Variants in CDH12 observed in about 807,000 individuals in gnomAD.
The protein encoded by CDH12 is cadherin 12, also known as cadherin-12.
Under a neutral mutation model 74.1 loss-of-function variants are expected in CDH12, and 41 were observed. The observed-to-expected ratio is 0.55, with a 90% CI of 0.43 to 0.72. The LOEUF is 0.72. Ranked by LOEUF, CDH12 falls within the 30% of genes least tolerant of loss-of-function variation. CDH12 has a pLI of 0.00. For missense variants in CDH12, 945 were observed against 977.2 expected, an observed-to-expected ratio of 0.97 and a Z score of 0.44; for synonymous variants, 399 against 355.0, an observed-to-expected ratio of 1.12 and a Z score of -1.39.
Position 22,478,799 on chromosome 5 carries a change from G to T in CDH12, c.-428+26471C>A, listed in dbSNP as rs1218241663. ...CTCTATATCATAAATATTGATCTTG[G>T]TGTTATTTTTTTGTTTGCCTTTCCT... On this transcript the variant is annotated intron_variant, in intron 2 of 14. Coordinates refer to ENST00000382254, the MANE Select transcript of CDH12 (RefSeq NM_004061.5). Among the ~76,000 whole-genome samples, 8 of 152,116 alleles carry T rather than the reference G, an allele frequency of 5.3e-5. No individual in the cohort carries two copies. In the East Asian group the frequency reaches 1.4e-3, roughly 26 times the overall value.
intron 2 of CDH12, among the ~76,000 whole-genome samples, chr5:22,416,536 G>A (rs1015721769): frequency 2.8e-4 from 42 of 152,116 alleles, no homozygotes; most frequent in Non-Finnish European, 6.0e-4. Context: ...CAGAAAGGAA[G>A]TACAAATGAC....
At chr5:22,275,236 A>G (rs1350671873) in intron 3 of CDH12, among the ~76,000 whole-genome samples, 1 of 152,102 alleles carries the variant, frequency 6.6e-6, no homozygotes, top group Non-Finnish European at 1.5e-5. Context: ...TGGCACATGT[A>G]TACCTATGTA....
intron 1 of CDH12, among the ~76,000 whole-genome samples, chr5:22,792,663 G>C (rs1303005677): frequency 2.6e-5 from 4 of 152,102 alleles, no homozygotes; most frequent in African/African-American, 9.7e-5. Flanking sequence ...GTAAAGTCTG[G>C]CTTTGTAAAT....
intron 2 of CDH12, among the ~76,000 whole-genome samples, chr5:22,429,172 A>G (rs1744067339): frequency 6.7e-6 from 1 of 150,336 alleles, no homozygotes. Flanking sequence ...TGTTTTGTTG[A>G]CCAGGCTGGA....
intron 4 of CDH12, among the ~76,000 whole-genome samples, chr5:22,130,001 T>C (rs1320060970): frequency 1.3e-5 from 2 of 151,904 alleles, no homozygotes; most frequent in Non-Finnish European, 2.9e-5. Context: ...GAAGTTTAAA[T>C]TGAAGTTCAA....
At chr5:21,921,567 G>T (rs181002180) in intron 6 of CDH12, among the ~76,000 whole-genome samples, 1 of 151,964 alleles carries the variant, frequency 6.6e-6, no homozygotes, top group South Asian at 2.1e-4. Flanking sequence ...ACTCCTTTTT[G>T]AATTCATGAA....
rs1005641255 is a variant in CDH12, at chr5:21,883,494, G to C, written c.527-28704C>G. ...TGGTCTTCAGGTTGTGGCAGTCAAG[G>C]CTCCAGGGTTTGGTGACAATAGAAA... is the stretch of plus-strand genomic sequence containing the variant. On this transcript the variant is annotated intron_variant, in intron 6 of 14. Transcript: ENST00000382254. 3.7e-6 allele frequency: 6 copies of C among 1,612,836 alleles called. No individual in the cohort carries two copies. In the African/African-American group the frequency reaches 5.3e-5, roughly 14 times the overall value.
chr5:22,830,715 T>C (rs143295703), intron 1 of CDH12, among the ~76,000 whole-genome samples: 40 of 151,874 alleles, frequency 2.6e-4, no homozygotes, highest in Middle Eastern at 3.7e-3. Flanking sequence ...GAATTTCATG[T>C]AAAACATCAT....
At chr5:22,173,561 A>T (rs927755532) in intron 4 of CDH12, among the ~76,000 whole-genome samples, 2 of 151,364 alleles carry the variant, frequency 1.3e-5, no homozygotes, top group Non-Finnish European at 3.0e-5. Context: ...TACAGATTAG[A>T]TATTCAAATA....
intron 6 of CDH12, among the ~76,000 whole-genome samples, chr5:21,899,599 G>T (rs1579932155): frequency 6.6e-6 from 1 of 152,150 alleles, no homozygotes; most frequent in African/African-American, 2.4e-5. Flanking sequence ...TCATCTAATG[G>T]CAAAGCAATC....
rs924526557 is a variant in CDH12, at chr5:21,850,389, A to G, written c.646+4282T>C. 2.0e-5 allele frequency among the ~76,000 whole-genome samples: 3 copies of G among 151,484 alleles called. No homozygotes were observed. In the Admixed American group the frequency reaches 2.0e-4, roughly 10 times the overall value. On this transcript the variant is annotated intron_variant, in intron 7 of 14. Coordinates refer to ENST00000382254, the MANE Select transcript of CDH12 (RefSeq NM_004061.5). ...GTTAATTTGTTCTACTATAGAAACCATTTATATGTGTGTGTGTATCTCTTA... is the reference window on the plus strand; with the variant it reads ...GTTAATTTGTTCTACTATAGAAACCGTTTATATGTGTGTGTGTATCTCTTA...
chr5:22,763,649 G>C (rs1225251136), intron 1 of CDH12, among the ~76,000 whole-genome samples: 2 of 151,860 alleles, frequency 1.3e-5, no homozygotes, highest in South Asian at 2.1e-4. Context: ...ACCTATAAAA[G>C]TAAGAGTAGA....
chr5:22,240,434 A>G (rs765705127), intron 3 of CDH12, among the ~76,000 whole-genome samples: 63 of 152,190 alleles, frequency 4.1e-4, no homozygotes, highest in Non-Finnish European at 7.4e-4. Flanking sequence ...GCCATAAACT[A>G]ACAAACACAC....
intron 3 of CDH12, among the ~76,000 whole-genome samples, chr5:22,301,372 C>G (rs573790020): frequency 1.4e-4 from 21 of 152,200 alleles, no homozygotes; most frequent in South Asian, 6.2e-4. Flanking sequence ...ACAGAGATGA[C>G]AAGGATAAGA....
intron 1 of CDH12, among the ~76,000 whole-genome samples, chr5:22,742,189 AAG>A (rs1745061373): frequency 6.6e-6 from 1 of 151,146 alleles, no homozygotes; most frequent in South Asian, 2.1e-4. Context: ...TTCAAAAAAA[AAG>A]AAGAAAGAAA....
At chr5:22,195,720 A>T (rs1750577649) in intron 4 of CDH12, among the ~76,000 whole-genome samples, 1 of 152,156 alleles carries the variant, frequency 6.6e-6, no homozygotes, top group Admixed American at 6.5e-5. Context: ...TATTGCCACC[A>T]AATTTATTTC....
chr5:22,756,859 C>T (rs4701300), intron 1 of CDH12, among the ~76,000 whole-genome samples: 74,641 of 151,496 alleles, frequency 0.49, 18,357 homozygotes, highest in East Asian at 0.55. Context: ...ACTCAGGAGG[C>T]TGAGACAGAG....
At chr5:22,070,229 A>T (rs1370883487) in intron 5 of CDH12, among the ~76,000 whole-genome samples, 1 of 152,166 alleles carries the variant, frequency 6.6e-6, no homozygotes, top group Non-Finnish European at 1.5e-5. Context: ...CAAGGACTTT[A>T]CATTCTTTTC....
chr5:21,754,811 T>C (rs956517336), intron 14 of CDH12, among the ~76,000 whole-genome samples: 2 of 152,202 alleles, frequency 1.3e-5, no homozygotes, highest in East Asian at 3.8e-4. Flanking sequence ...TGAGGCATAA[T>C]AGAAAATCTC....
Sources: allele counts gnomAD v4.1 joint callset (sites outside exome capture counted in the v4.1 genomes callset), GRCh38; gene constraint gnomAD v4.1.1; transcripts MANE v1.5; gene names NCBI Gene and HGNC (gene_info 2026-07-23, HGNC 2026-07-21).